Variants in ENTREP3 observed in about 807,000 individuals in gnomAD.
The protein encoded by ENTREP3 is protein ENTREP3.
chr1:155,255,076 G>A, the ENTREP3 span: 4 of 600,744 alleles, frequency 6.7e-6, no homozygotes, highest in Non-Finnish European at 1.2e-5. The surrounding 1 kb of genome is among the most constrained non-coding windows in gnomAD (Gnocchi z 5.6). Context: ...AGGGACCGCG[G>A]AGTGCTCCCT....
At chr1:155,248,909 T>C in the ENTREP3 span, among the ~76,000 whole-genome samples, 2 of 151,696 alleles carry the variant, frequency 1.3e-5, no homozygotes, top group East Asian at 3.9e-4. Flanking sequence ...GAGATGGGGG[T>C]TTCACCATGT....
At chr1:155,249,438 G>C in the ENTREP3 span, among the ~76,000 whole-genome samples, 1 of 152,104 alleles carries the variant, frequency 6.6e-6, no homozygotes, top group East Asian at 1.9e-4. Flanking sequence ...CTGAAGCTTG[G>C]GGAGGACAGA....
chr1:155,248,593 T>C, the ENTREP3 span: 1 of 777,214 alleles, frequency 1.3e-6, no homozygotes, highest in East Asian at 2.6e-5. Flanking sequence ...CCATCCCCAA[T>C]CAAAGGGCCA....
At chr1:155,253,768 G>A in the ENTREP3 span, 35 of 1,605,650 alleles carry the variant, frequency 2.2e-5, no homozygotes, top group Admixed American at 3.7e-4. Context: ...GTCAGGAGAC[G>A]GCTAAGTTCC....
the ENTREP3 span, chr1:155,248,275 G>A: frequency 6.2e-7 from 1 of 1,601,146 alleles, no homozygotes; most frequent in South Asian, 1.1e-5. Context: ...AGCGGGCTAG[G>A]CGGAAGAGGC....
chr1:155,249,282 G>T, the ENTREP3 span, among the ~76,000 whole-genome samples: 1 of 150,900 alleles, frequency 6.6e-6, no homozygotes, highest in African/African-American at 2.4e-5. Context: ...GTAGAGATAG[G>T]GTTTCACCAT....
the ENTREP3 span, chr1:155,250,961 G>A: frequency 6.3e-5 from 78 of 1,234,138 alleles, 1 homozygote; most frequent in South Asian, 5.4e-4. This position sits in a 1 kb window ranked among gnomAD's most constrained non-coding sequence, Gnocchi z 5.4. Context: ...TAAGTCCAGG[G>A]TTCCAAGTTG....
At chr1:155,251,356 G>C in the ENTREP3 span, 1 of 730,214 alleles carries the variant, frequency 1.4e-6, no homozygotes, top group Non-Finnish European at 2.3e-6. Context: ...CCAGGCTCTA[G>C]GGAAGATCAA....
chr1:155,255,312 A>G, the ENTREP3 span: 1 of 197,244 alleles, frequency 5.1e-6, no homozygotes, highest in Admixed American at 5.3e-5. The surrounding 1 kb of genome is among the most constrained non-coding windows in gnomAD (Gnocchi z 5.6). Context: ...GTGACTCTAG[A>G]GGCGCGGTCG....
the ENTREP3 span, chr1:155,250,380 GAACC>G: frequency 8.7e-7 from 1 of 1,150,362 alleles, no homozygotes; most frequent in Non-Finnish European, 1.2e-6. This position sits in a 1 kb window ranked among gnomAD's most constrained non-coding sequence, Gnocchi z 5.4. Context: ...TGGGGTGAGG[GAACC>G]TGAGCTATCG....
chr1:155,252,563 T>C, the ENTREP3 span, among the ~76,000 whole-genome samples: 1 of 147,082 alleles, frequency 6.8e-6, no homozygotes, highest in African/African-American at 2.5e-5. Flanking sequence ...AGAGATAGGG[T>C]TTCGCCATGT....
At chr1:155,253,666 C>G in the ENTREP3 span, 55 of 1,613,846 alleles carry the variant, frequency 3.4e-5, no homozygotes, top group Non-Finnish European at 4.3e-5. Flanking sequence ...ATGCAGCAGA[C>G]AATAGCAGAG....
At chr1:155,248,057 T>C in the ENTREP3 span, 9 of 1,614,240 alleles carry the variant, frequency 5.6e-6, no homozygotes, top group Non-Finnish European at 7.6e-6. Context: ...TACCTGCTTA[T>C]GTCCATGAGC....
chr1:155,254,250 C>CGTGGCAGAGGAGT, the ENTREP3 span: 1 of 1,510,840 alleles, frequency 6.6e-7, no homozygotes. The surrounding 1 kb of genome is among the most constrained non-coding windows in gnomAD (Gnocchi z 4.4). Context: ...ACTCCTCTGC[C>CGTGGCAGAGGAGT]ACGGACAGAG....
At chr1:155,251,307 T>C in the ENTREP3 span, 1 of 774,442 alleles carries the variant, frequency 1.3e-6, no homozygotes. Flanking sequence ...CTTCCACGTC[T>C]GTATGGCAGA....
the ENTREP3 span, chr1:155,253,987 A>T: frequency 6.2e-7 from 1 of 1,612,782 alleles, no homozygotes; most frequent in Non-Finnish European, 8.5e-7. Context: ...TCCTGAGTGG[A>T]GCAGGGAGGG....
chr1:155,247,798 C>A, the ENTREP3 span: 1 of 1,463,480 alleles, frequency 6.8e-7, no homozygotes, highest in Non-Finnish European at 9.0e-7. Flanking sequence ...CCCAGTCTCC[C>A]GGCTGCCCCC....
chr1:155,248,638 T>C, the ENTREP3 span, among the ~76,000 whole-genome samples: 1 of 148,724 alleles, frequency 6.7e-6, no homozygotes, highest in Non-Finnish European at 1.5e-5. Flanking sequence ...AACTAGATGG[T>C]ACAATCCACC....
chr1:155,248,145 C>G, the ENTREP3 span: 1 of 1,614,118 alleles, frequency 6.2e-7, no homozygotes, highest in Non-Finnish European at 8.5e-7. Context: ...GGCCAGCTGC[C>G]CTTTAGGTCC....
Sources: allele counts gnomAD v4.1 joint callset (sites outside exome capture counted in the v4.1 genomes callset), GRCh38; gene constraint gnomAD v4.1.1; non-coding constraint Gnocchi (gnomAD v3.1); transcripts MANE v1.5; gene names NCBI Gene and HGNC (gene_info 2026-07-23, HGNC 2026-07-21).